STAU2: variants seen among roughly 807,000 people sequenced by gnomAD.
STAU2 encodes the protein staufen double-stranded RNA binding protein 2.
STAU2 carries 20 observed loss-of-function variants against 65.9 expected under a neutral mutation model. The ratio of observed to expected loss-of-function variants is 0.30; its 90% CI spans 0.21 to 0.44. The LOEUF (loss-of-function observed/expected upper bound fraction) is 0.44, where lower values mean the gene tolerates loss of function less well. Ranked by LOEUF, STAU2 falls within the 20% of genes least tolerant of loss-of-function variation. The probability of loss-of-function intolerance (pLI) is 1.00; values close to 1 mark genes in which losing one functional copy is unlikely to be tolerated. For synonymous variants in STAU2, 232 were observed against 233.9 expected (o/e 0.99, Z 0.07); for missense variants, 558 against 683.9 (o/e 0.82, Z 2.05).
chr8:73,668,218 G>A (rs1192651744), intron 6 of STAU2, among the ~76,000 whole-genome samples: 1 of 152,106 alleles, frequency 6.6e-6, no homozygotes, highest in Non-Finnish European at 1.5e-5. Flanking sequence ...ATGGGAATTG[G>A]CTTATTTGAA....
chr8:73,541,964 CAT>C (rs1806573758), intron 13 of STAU2, among the ~76,000 whole-genome samples: 1 of 152,008 alleles, frequency 6.6e-6, no homozygotes. Context: ...AGATTTAACA[CAT>C]GTGCAACTGG....
chr8:73,674,003 G>A (rs1817863039), intron 5 of STAU2, among the ~76,000 whole-genome samples: 1 of 150,960 alleles, frequency 6.6e-6, no homozygotes, highest in Non-Finnish European at 1.5e-5. Flanking sequence ...AGGGTATAAT[G>A]TTAAACGAAA....
chr8:73,448,764 C>T (rs983710971), intron 13 of STAU2, among the ~76,000 whole-genome samples: 1 of 152,218 alleles, frequency 6.6e-6, no homozygotes, highest in Non-Finnish European at 1.5e-5. Flanking sequence ...GACAGAGCAA[C>T]GACAATCCAG....
chr8:73,632,837 C>T (rs1428287689), intron 6 of STAU2, among the ~76,000 whole-genome samples: 1 of 152,144 alleles, frequency 6.6e-6, no homozygotes, highest in Non-Finnish European at 1.5e-5. Context: ...CTAATATAAT[C>T]AAAATAAGTA....
At chr8:73,626,074 T>TACAC (rs57076627) in intron 6 of STAU2, among the ~76,000 whole-genome samples, 13,518 of 146,092 alleles carry the variant, frequency 0.093, 899 homozygotes, top group Admixed American at 0.18. Context: ...TAAGTACACA[T>TACAC]ACACACACAC....
chr8:73,653,748 A>C, intron 6 of STAU2: 1 of 193,814 alleles, frequency 5.2e-6, no homozygotes, highest in South Asian at 8.3e-5. Flanking sequence ...ATGTTCAGTC[A>C]GTGTTAGGAA....
chr8:73,582,952 T>G, intron 11 of STAU2, 122 bp from the exon 12 acceptor site: 6 of 771,454 alleles, frequency 7.8e-6, no homozygotes, highest in Non-Finnish European at 1.3e-5. Context: ...ATATTATCTC[T>G]ATCTTTGACC....
intron 13 of STAU2, among the ~76,000 whole-genome samples, chr8:73,463,886 C>T (rs902783708): frequency 2.0e-5 from 3 of 152,218 alleles, no homozygotes; most frequent in African/African-American, 4.8e-5. Context: ...TCTCCTTCCA[C>T]ACAGATTTGC....
At chr8:73,514,194 C>A (rs1822575734) in intron 13 of STAU2, among the ~76,000 whole-genome samples, 1 of 152,114 alleles carries the variant, frequency 6.6e-6, no homozygotes, top group Non-Finnish European at 1.5e-5. Flanking sequence ...TTTTTCTCTG[C>A]AATGTCTCTT....
At chr8:73,556,167 A>ATATGTTT (rs1807750642) in intron 12 of STAU2, among the ~76,000 whole-genome samples, 1 of 152,212 alleles carries the variant, frequency 6.6e-6, no homozygotes, top group African/African-American at 2.4e-5. Context: ...ACTAATACTA[A>ATATGTTT]AAGTATAAAA....
intron 6 of STAU2, among the ~76,000 whole-genome samples, chr8:73,624,662 C>G (rs1437237702): frequency 6.6e-6 from 1 of 152,182 alleles, no homozygotes; most frequent in African/African-American, 2.4e-5. Flanking sequence ...ACTCCAGAAC[C>G]CATGCTCATA....
At chr8:73,600,212 T>A (rs1811535483) in intron 10 of STAU2, among the ~76,000 whole-genome samples, 1 of 152,012 alleles carries the variant, frequency 6.6e-6, no homozygotes, top group Non-Finnish European at 1.5e-5. Context: ...TTTAACAGAG[T>A]TTCAGTAAAG....
At chr8:73,459,558 C>T (rs1378289333) in intron 13 of STAU2, among the ~76,000 whole-genome samples, 1 of 152,102 alleles carries the variant, frequency 6.6e-6, no homozygotes, top group South Asian at 2.1e-4. Context: ...GGAAGGGGGG[C>T]CTCCTGTGTG....
At position 73,671,781 on chromosome 8, in the gene STAU2, G is replaced by A. The variant is rs59574463; in HGVS notation, c.410+1326C>T. Reference sequence around the variant, plus strand: ...CTAACGCCTGTAATCCCAGCACTTTGGGAGGCCGAGGCGGACAGATCACTT... The same window carrying A: ...CTAACGCCTGTAATCCCAGCACTTTAGGAGGCCGAGGCGGACAGATCACTT... On this transcript the variant is annotated intron_variant, in intron 6 of 14. Coordinates refer to ENST00000524300, the MANE Select transcript of STAU2 (RefSeq NM_001164380.2). Among the ~76,000 whole-genome samples, 176 of 152,300 alleles carry A rather than the reference G, an allele frequency of 1.2e-3. 1 individual carries two copies. The highest frequency in any genetic ancestry group is 3.4e-3 in the Middle Eastern group (1 of 294).
At chr8:73,429,138 G>T (rs1817059968) in intron 13 of STAU2, among the ~76,000 whole-genome samples, 1 of 152,198 alleles carries the variant, frequency 6.6e-6, no homozygotes, top group Non-Finnish European at 1.5e-5. Flanking sequence ...TTATAAGTAT[G>T]AGAGGGATTT....
chr8:73,615,091 T>A (rs561775207), intron 8 of STAU2, among the ~76,000 whole-genome samples: 1 of 152,296 alleles, frequency 6.6e-6, no homozygotes, highest in Admixed American at 6.5e-5. Context: ...TTTCCAGACA[T>A]GAGTTGTAAA....
In STAU2 at chr8:73,453,606, T is replaced by C. The variant is rs951957545; in HGVS notation, c.1531-30904A>G. ...AACTGGTGAAAATTGGCACGAGTGC[T>C]TAGGTGCTTTGAGGCCTGAGTAGCT... On this transcript the variant is annotated intron_variant, in intron 13 of 14. Coordinates refer to ENST00000524300, the MANE Select transcript of STAU2 (RefSeq NM_001164380.2). Among the ~76,000 whole-genome samples the C allele has an allele frequency of 1.1e-4, 17 of 152,216 alleles. 1 individual carries two copies. The highest frequency in any genetic ancestry group is 8.5e-4 in the Admixed American group (13 of 15,284).
intron 11 of STAU2, among the ~76,000 whole-genome samples, chr8:73,594,082 CA>C: frequency 6.6e-6 from 1 of 152,122 alleles, no homozygotes; most frequent in East Asian, 1.9e-4. Context: ...GATCACTCAC[CA>C]GTTTTAAGTC....
chr8:73,522,460 CT>C (rs1823091170), intron 13 of STAU2, among the ~76,000 whole-genome samples: 1 of 152,120 alleles, frequency 6.6e-6, no homozygotes, highest in Non-Finnish European at 1.5e-5. Context: ...GAGCAAAACC[CT>C]CACCAGCTCA....
Sources: gnomAD v4.1 joint callset for allele counts (sites outside exome capture counted in the v4.1 genomes callset) on GRCh38, gnomAD v4.1.1 for gene constraint, MANE v1.5 for transcripts, NCBI Gene and HGNC (gene_info 2026-07-23, HGNC 2026-07-21) for gene names.